The following MTSS1 variants were observed in gnomAD, a reference collection of about 807,000 sequenced individuals.
MTSS1 encodes the protein protein MTSS 1.
Under a neutral mutation model 79.0 loss-of-function variants are expected in MTSS1, and 18 were observed. That is an observed-to-expected ratio of 0.23 (90% confidence interval 0.16 to 0.34). MTSS1 has a LOEUF of 0.34. Among genes scored for constraint, MTSS1 ranks in the 10% least tolerant of loss-of-function variants. MTSS1 has a pLI of 1.00. For missense variants in MTSS1, 815 were observed against 986.2 expected, an observed-to-expected ratio of 0.83 and a Z score of 2.33; for synonymous variants, 341 against 368.6, an observed-to-expected ratio of 0.93 and a Z score of 0.86.
intron 3 of MTSS1, among the ~76,000 whole-genome samples, chr8:124,622,062 G>GAGAGAA (rs1449057980): frequency 3.7e-5 from 1 of 27,094 alleles, no homozygotes. Context: ...GAAAGAGAAA[G>GAGAGAA]AGAGAGAGAG....
intron 6 of MTSS1, among the ~76,000 whole-genome samples, chr8:124,580,811 C>T (rs1463932667): frequency 1.3e-5 from 2 of 152,060 alleles, no homozygotes; most frequent in Admixed American, 1.3e-4. Context: ...TAATGACCAC[C>T]CCTAGAGAAG....
rs1822682804 is a variant in MTSS1 at position 124,552,519 on chromosome 8, C to T, written c.*473G>A. The T allele has an allele frequency of 1.2e-5, 2 of 161,852 alleles. No individual in the cohort carries two copies. Among genetic ancestry groups the T allele is most frequent in the South Asian group, 3.2e-4 (2 of 6,190 alleles). 10.0% of individuals were successfully genotyped at this position (161,852 alleles called of 1,614,324 possible). A position where few individuals can be genotyped will look rare whatever the true frequency, so the allele number is the denominator to read the frequency against. ...ATTTAAATGAAGATTTTACCTCTTA[C>T]CCATTTAGTTTGTACATTAAAATAA... On this transcript the variant is annotated 3_prime_UTR_variant, in exon 14 of 14. Coordinates refer to ENST00000518547, the MANE Select transcript of MTSS1 (RefSeq NM_014751.6).
At chr8:124,616,663 C>T (rs1563867544) in intron 3 of MTSS1, among the ~76,000 whole-genome samples, 2 of 152,194 alleles carry the variant, frequency 1.3e-5, no homozygotes, top group Admixed American at 6.5e-5. Context: ...CCACATTCTT[C>T]AGCAACTTCC....
chr8:124,705,188 G>A (rs907944540), intron 1 of MTSS1, among the ~76,000 whole-genome samples: 4 of 152,096 alleles, frequency 2.6e-5, no homozygotes, highest in Non-Finnish European at 4.4e-5. Context: ...ACAGAACTAA[G>A]GGCCGGGCGC....
intron 3 of MTSS1, among the ~76,000 whole-genome samples, chr8:124,593,360 A>G (rs1039482119): frequency 6.6e-6 from 1 of 152,260 alleles, no homozygotes; most frequent in Non-Finnish European, 1.5e-5. Flanking sequence ...GCGTCTATCA[A>G]GAAAAGCCTT....
chr8:124,586,372 C>G (rs1483264284), intron 5 of MTSS1, among the ~76,000 whole-genome samples: 1 of 152,222 alleles, frequency 6.6e-6, no homozygotes, highest in African/African-American at 2.4e-5. Flanking sequence ...GGCCCCTTCA[C>G]TGCTCTAACG....
intron 1 of MTSS1, 92 bp from the exon 2 acceptor site, chr8:124,704,283 C>A (rs1261899963): frequency 1.8e-6 from 2 of 1,104,874 alleles, no homozygotes; most frequent in East Asian, 2.4e-5. Flanking sequence ...ATGCAGGGAA[C>A]AATCTGTGTA....
intron 9 of MTSS1, among the ~76,000 whole-genome samples, chr8:124,563,837 A>C (rs1020500076): frequency 5.3e-5 from 8 of 152,190 alleles, no homozygotes; most frequent in Non-Finnish European, 7.3e-5. Flanking sequence ...CACTCAAAAG[A>C]AACATGCTCC....
At chr8:124,708,268 C>T (rs551481072) in intron 1 of MTSS1, among the ~76,000 whole-genome samples, 1 of 152,284 alleles carries the variant, frequency 6.6e-6, no homozygotes, top group East Asian at 1.9e-4. Context: ...AGGTCATATA[C>T]AGAAAGTGCT....
chr8:124,652,730 G>C (rs1820197996), intron 3 of MTSS1, among the ~76,000 whole-genome samples: 1 of 151,194 alleles, frequency 6.6e-6, no homozygotes, highest in Admixed American at 6.6e-5. Context: ...GGGAAGCGGA[G>C]GTTTCAGTGA....
intron 3 of MTSS1, among the ~76,000 whole-genome samples, chr8:124,649,548 C>T (rs1436531062): frequency 6.6e-6 from 1 of 152,040 alleles, no homozygotes; most frequent in African/African-American, 2.4e-5. Flanking sequence ...GAGGGTCAGC[C>T]AAGACAGAGT....
At chr8:124,593,044 T>C (rs1832119626) in intron 3 of MTSS1, among the ~76,000 whole-genome samples, 1 of 152,158 alleles carries the variant, frequency 6.6e-6, no homozygotes, top group Non-Finnish European at 1.5e-5. Context: ...TGTACCTGCC[T>C]CCAAAGAGCA....
intron 3 of MTSS1, among the ~76,000 whole-genome samples, chr8:124,667,147 GT>G (rs1823249502): frequency 1.3e-5 from 2 of 152,170 alleles, no homozygotes; most frequent in Admixed American, 1.3e-4. Context: ...GAGATGGTGA[GT>G]TTGAGGAGAA....
At position 124,556,423 on chromosome 8, in the gene MTSS1, G is replaced by C; in HGVS notation, c.1231-18C>G. 1 of 1,592,252 alleles carries C rather than the reference G, an allele frequency of 6.3e-7. No homozygotes were observed. Among genetic ancestry groups the C allele is most frequent in the African/African-American group, 1.3e-5 (1 of 74,510 alleles). On this transcript the variant is annotated intron_variant, in intron 11 of 13. Coordinates refer to ENST00000518547, the MANE Select transcript of MTSS1 (RefSeq NM_014751.6). Reference sequence around the variant, plus strand: ...GCCCAGTCCTATGCAAAACAAGTGCGGTCAGGAGCCAGGGCCTCTGCCTCC... The same window carrying C: ...GCCCAGTCCTATGCAAAACAAGTGCCGTCAGGAGCCAGGGCCTCTGCCTCC...
intron 3 of MTSS1, among the ~76,000 whole-genome samples, chr8:124,627,742 G>A (rs114182372): frequency 6.6e-6 from 1 of 152,244 alleles, no homozygotes; most frequent in African/African-American, 2.4e-5. Flanking sequence ...AGGGTGAAAG[G>A]CCTTAAAGGT....
intron 3 of MTSS1, among the ~76,000 whole-genome samples, chr8:124,687,967 C>A (rs559668624): frequency 1.3e-5 from 2 of 152,228 alleles, no homozygotes; most frequent in South Asian, 4.2e-4. Context: ...CTGTGAAATG[C>A]GCTCAAATGC....
chr8:124,711,034 G>A (rs1392575126), intron 1 of MTSS1, among the ~76,000 whole-genome samples: 2 of 152,182 alleles, frequency 1.3e-5, no homozygotes, highest in African/African-American at 4.8e-5. Context: ...ATCAAGCCGT[G>A]GGGTATATGA....
chr8:124,560,692 C>A (rs1825099717), intron 10 of MTSS1, among the ~76,000 whole-genome samples: 2 of 152,166 alleles, frequency 1.3e-5, no homozygotes, highest in Non-Finnish European at 2.9e-5. Context: ...CAGTAACCCA[C>A]CGCAGGACTG....
At chr8:124,616,722 T>A (rs893403129) in intron 3 of MTSS1, among the ~76,000 whole-genome samples, 1 of 152,206 alleles carries the variant, frequency 6.6e-6, no homozygotes, top group Non-Finnish European at 1.5e-5. Context: ...GAACCTAGAC[T>A]GACAGTATCA....
Sources: gnomAD v4.1 joint callset for allele counts (sites outside exome capture counted in the v4.1 genomes callset) on GRCh38, gnomAD v4.1.1 for gene constraint, MANE v1.5 for transcripts, NCBI Gene and HGNC (gene_info 2026-07-23, HGNC 2026-07-21) for gene names.